The following COL21A1 variants were observed in gnomAD, a reference collection of about 807,000 sequenced individuals.
COL21A1 encodes the protein collagen type XXI alpha 1 chain.
Under a neutral mutation model 137.9 loss-of-function variants are expected in COL21A1, and 149 were observed. That is an observed-to-expected ratio of 1.08 (90% CI 0.95 to 1.24). The LOEUF is 1.24. Among genes scored for constraint, COL21A1 ranks in the 50% most tolerant of loss-of-function variants. The pLI is 0.00. For synonymous variants in COL21A1, 456 were observed against 391.5 expected (o/e 1.16, Z -1.95); for missense variants, 1,167 against 1,158.4 (o/e 1.01, Z -0.11).
intron 16 of COL21A1, among the ~76,000 whole-genome samples, chr6:56,119,957 A>G (rs540914024): frequency 6.6e-6 from 1 of 152,318 alleles, no homozygotes; most frequent in African/African-American, 2.4e-5. Context: ...TGAAACTACT[A>G]CAGAAAAACA....
At chr6:56,367,306 T>A (rs1243042104) in intron 1 of COL21A1, among the ~76,000 whole-genome samples, 1 of 152,214 alleles carries the variant, frequency 6.6e-6, no homozygotes, top group Non-Finnish European at 1.5e-5. Flanking sequence ...CTTCCCTATG[T>A]GATCCAAGTC....
At chr6:56,285,974 A>T (rs1763904051) in intron 1 of COL21A1, among the ~76,000 whole-genome samples, 1 of 152,102 alleles carries the variant, frequency 6.6e-6, no homozygotes. Context: ...CCTTTCCCTA[A>T]GCCTTTTATA....
intron 16 of COL21A1, among the ~76,000 whole-genome samples, chr6:56,115,131 T>A (rs376979927): frequency 0.024 from 3,459 of 143,908 alleles, 73 homozygotes; most frequent in East Asian, 0.057. Context: ...AAGGGGAATA[T>A]CACACTCTGG....
intron 1 of COL21A1, among the ~76,000 whole-genome samples, chr6:56,384,807 T>G (rs1436011881): frequency 2.0e-5 from 3 of 152,218 alleles, no homozygotes; most frequent in Non-Finnish European, 4.4e-5. Context: ...TTCTGTACAC[T>G]TGTTCATTCA....
chr6:56,383,315 A>T (rs1204399829), intron 1 of COL21A1, among the ~76,000 whole-genome samples: 3 of 152,104 alleles, frequency 2.0e-5, no homozygotes, highest in African/African-American at 4.8e-5. Flanking sequence ...CACCCTCATG[A>T]CCTAATTACC....
In COL21A1 at chr6:56,326,962, T is replaced by C. The variant is rs553530764; in HGVS notation, c.-39+67009A>G. Among the ~76,000 whole-genome samples, 10 of 152,126 alleles carry C rather than the reference T, an allele frequency of 6.6e-5. No homozygotes were observed. The South Asian group carries it at 2.1e-3, about 32-fold the overall frequency. ...GAAATCTTAACAGAAAAGGGGGAAT[T>C]CTTACATACCAATTATATATTTAGG... is the stretch of plus-strand genomic sequence containing the variant. On this transcript the variant is annotated intron_variant, in intron 1 of 28. Transcript: ENST00000370819.
chr6:56,191,415 C>G (rs549776807), intron 1 of COL21A1, among the ~76,000 whole-genome samples: 28 of 133,450 alleles, frequency 2.1e-4, no homozygotes, highest in African/African-American at 7.7e-4. Flanking sequence ...TGAAACCCAT[C>G]TCTACTAAAA....
At chr6:56,106,929 G>GGCGCCCGCCACC (rs1306887410) in intron 16 of COL21A1, among the ~76,000 whole-genome samples, 5 of 152,026 alleles carry the variant, frequency 3.3e-5, no homozygotes, top group African/African-American at 1.2e-4. Flanking sequence ...TGGGACTACA[G>GGCGCCCGCCACC]GCGCCCGCCA....
chr6:56,072,872 AT>A (rs1766874525), intron 20 of COL21A1, among the ~76,000 whole-genome samples: 1 of 151,570 alleles, frequency 6.6e-6, no homozygotes, highest in Non-Finnish European at 1.5e-5. Flanking sequence ...TCTTAGATCT[AT>A]TTTTAACAAA....
intron 1 of COL21A1, among the ~76,000 whole-genome samples, chr6:56,241,689 G>C (rs139434556): frequency 6.6e-6 from 1 of 152,176 alleles, no homozygotes; most frequent in Non-Finnish European, 1.5e-5. Flanking sequence ...CTCTCCACTT[G>C]TTGCCAAGAC....
chr6:56,308,146 G>A (rs186086977), intron 1 of COL21A1, among the ~76,000 whole-genome samples: 1 of 152,302 alleles, frequency 6.6e-6, no homozygotes, highest in Non-Finnish European at 1.5e-5. Context: ...AGTCATGAAG[G>A]CTCTGCCTTA....
At chr6:56,133,655 G>T (rs867776845) in intron 12 of COL21A1, among the ~76,000 whole-genome samples, 1 of 152,118 alleles carries the variant, frequency 6.6e-6, no homozygotes, top group Admixed American at 6.6e-5. Flanking sequence ...CACAGGCCTG[G>T]AGGCCTATGA....
Position 56,125,613 on chromosome 6 carries a change from A to G in COL21A1, c.1604T>C (p.Met535Thr). 6.3e-7 allele frequency: 1 copy of G among 1,583,882 alleles called. No individual in the cohort carries two copies. Among genetic ancestry groups the G allele is most frequent in the Admixed American group, 1.7e-5 (1 of 58,718 alleles). ...TGATCCTTTGTCTCCTTTGGCACCC[A>G]TTTCACCCTAAAAGACAAAATATAA... ...LHGMPGSKGEMGAKGDKGSPG... is the reference protein window; with the variant it reads ...LHGMPGSKGETGAKGDKGSPG... The change falls in exon 14 of 30, where the codon ATG becomes ACG. Residue 535 changes from methionine to threonine, a missense_variant. Met to Thr is a moderately conservative substitution (Grantham distance 81). Transcript: ENST00000244728.
At chr6:56,365,237 G>A (rs994966545) in intron 1 of COL21A1, among the ~76,000 whole-genome samples, 2 of 152,016 alleles carry the variant, frequency 1.3e-5, no homozygotes, top group African/African-American at 4.8e-5. Context: ...TGACTCACAG[G>A]AATAAATCAT....
intron 7 of COL21A1, among the ~76,000 whole-genome samples, chr6:56,166,399 C>A (rs778398460): frequency 1.3e-5 from 2 of 152,108 alleles, no homozygotes. Flanking sequence ...CGCTTGTAAT[C>A]CCAGCACTTT....
At position 56,057,784 on chromosome 6, in the gene COL21A1, C is replaced by T; in HGVS notation, c.2747G>A (p.Gly916Asp). The change falls in exon 30 of 30, where the codon GGC (glycine) becomes GAC (aspartate). Residue 916 changes from glycine (G) to aspartate (D), a missense_variant. Transcript: ENST00000244728. Reference sequence around the variant, plus strand: ...AGGTTTTCCATGGTCTCCATCTTTGCCAGGGAGACCTGGGTCTCCTGGAGG... The same window carrying T: ...AGGTTTTCCATGGTCTCCATCTTTGTCAGGGAGACCTGGGTCTCCTGGAGG... The part of the protein sequence containing the change: ...EGPPGDPGLP[G>D]KDGDHGKPGI... 6.2e-7 allele frequency: 1 copy of T among 1,605,478 alleles called. No homozygotes were observed. The highest frequency in any genetic ancestry group is 8.5e-7 in the Non-Finnish European group (1 of 1,176,204).
intron 10 of COL21A1, among the ~76,000 whole-genome samples, chr6:56,152,171 C>T (rs1203958252): frequency 1.3e-5 from 2 of 152,128 alleles, no homozygotes; most frequent in Non-Finnish European, 2.9e-5. Context: ...TCTAGGGGAG[C>T]TTCCCTTTTC....
At chr6:56,337,938 G>A (rs1232435798) in intron 1 of COL21A1, among the ~76,000 whole-genome samples, 3 of 146,714 alleles carry the variant, frequency 2.0e-5, no homozygotes, top group African/African-American at 7.6e-5. Context: ...AAGAAAAGGG[G>A]TTTTTTTCTT....
At chr6:56,231,676 A>C (rs2152318458) in intron 1 of COL21A1, among the ~76,000 whole-genome samples, 1 of 151,966 alleles carries the variant, frequency 6.6e-6, no homozygotes, top group East Asian at 1.9e-4. Flanking sequence ...GCTGCAAAAA[A>C]AGTCATTCAG....
Sources: gnomAD v4.1 joint callset for allele counts (sites outside exome capture counted in the v4.1 genomes callset) on GRCh38, gnomAD v4.1.1 for gene constraint, MANE v1.5 for transcripts, NCBI Gene and HGNC (gene_info 2026-07-23, HGNC 2026-07-21) for gene names.